PDXK: variants seen among roughly 807,000 people sequenced by gnomAD.
PDXK encodes pyridoxal kinase, also known as epididymis secretory sperm binding protein Li 1a.
Under a neutral mutation model 43.2 loss-of-function variants are expected in PDXK, and 15 were observed. The ratio of observed to expected loss-of-function variants is 0.35; its 90% confidence interval spans 0.23 to 0.53. The LOEUF is 0.53. PDXK is among the 20% of genes least tolerant of loss of function. The pLI is 0.92. For missense variants in PDXK, 343 were observed against 417.0 expected (o/e 0.82, Z 1.54); for synonymous variants, 172 against 165.4 (o/e 1.04, Z -0.31).
intron 1 of PDXK, among the ~76,000 whole-genome samples, chr21:43,733,271 C>T (rs1370877280): frequency 3.7e-5 from 5 of 136,578 alleles, no homozygotes; most frequent in African/African-American, 1.3e-4. Flanking sequence ...CCCCGCCCCC[C>T]CCGCCCTGGA....
rs1395714946 is a variant in PDXK, at chr21:43,754,063, C to T, written c.759+344C>T. ...TGTGGGATGCATGGAGCTGTTGTGT[C>T]CTTGGTGACTTGGGGGCTGCTGCAG... On this transcript the variant is annotated intron_variant, in intron 9 of 10. Coordinates refer to ENST00000291565, the MANE Select transcript of PDXK (RefSeq NM_003681.5). This position sits in a 1 kb window ranked among gnomAD's most constrained non-coding sequence, Gnocchi z 5.5. Among the ~76,000 whole-genome samples, 2 of 152,204 alleles carry T rather than the reference C, an allele frequency of 1.3e-5. No individual in the cohort carries two copies. The highest frequency in any genetic ancestry group is 4.8e-5 in the African/African-American group (2 of 41,440).
Position 43,761,981 on chromosome 21 carries a change from A to G in PDXK, c.*5918A>G, listed in dbSNP as rs2083939247. The G allele has an allele frequency of 6.5e-6, 1 of 153,866 alleles. No homozygotes were observed. Among genetic ancestry groups the G allele is most frequent in the Non-Finnish European group, 1.5e-5 (1 of 68,130 alleles). 9.5% of individuals were successfully genotyped at this position (153,866 alleles called of 1,614,324 possible). A position where few individuals can be genotyped will look rare whatever the true frequency, so the allele number is the denominator to read the frequency against. On this transcript the variant is annotated 3_prime_UTR_variant, in exon 11 of 11. Transcript: ENST00000291565. ...TTCATGGCTGCGTCATTCCTGATTTAGAACTTTAACCGGAGCTTCATCTAG... is the reference window on the plus strand; with the variant it reads ...TTCATGGCTGCGTCATTCCTGATTTGGAACTTTAACCGGAGCTTCATCTAG...
chr21:43,721,050 C>T (rs1233470952), intron 1 of PDXK, among the ~76,000 whole-genome samples: 1 of 152,230 alleles, frequency 6.6e-6, no homozygotes, highest in Non-Finnish European at 1.5e-5. Context: ...CCCCAGTGCA[C>T]GGCATCCTTA....
chr21:43,736,287 G>C (rs1299525753), intron 2 of PDXK, among the ~76,000 whole-genome samples: 1 of 152,106 alleles, frequency 6.6e-6, no homozygotes, highest in African/African-American at 2.4e-5. Flanking sequence ...GTTCTGCTCC[G>C]GGCACCCTTG....
intron 1 of PDXK, among the ~76,000 whole-genome samples, chr21:43,720,574 C>A (rs2147197818): frequency 6.6e-6 from 1 of 152,306 alleles, no homozygotes; most frequent in East Asian, 1.9e-4. Flanking sequence ...ACTTGAGACC[C>A]TGTTCCATCC....
At chr21:43,726,206 T>C (rs1373095007) in intron 1 of PDXK, among the ~76,000 whole-genome samples, 1 of 152,134 alleles carries the variant, frequency 6.6e-6, no homozygotes, top group Non-Finnish European at 1.5e-5. Context: ...TTTCTGTTAT[T>C]CTTGTTTGGC....
In PDXK at chr21:43,760,997, A is replaced by G. The variant is rs1425803235; in HGVS notation, c.*4934A>G. 1 of 152,236 alleles carries G rather than the reference A, an allele frequency of 6.6e-6. No homozygotes were observed. Among genetic ancestry groups the G allele is most frequent in the Non-Finnish European group, 1.5e-5 (1 of 68,046 alleles). The allele number at this position is 152,236 out of a possible 1,614,324, so 9.4% of individuals were successfully genotyped here. A position where few individuals can be genotyped will look rare whatever the true frequency, so the allele number is the denominator to read the frequency against. The stretch of plus-strand genomic sequence containing the variant: ...GCAACACGGTGTGTTCATTTGTTTA[A>G]AACAGTTTAATGAGTAAGTTTAGAT... On this transcript the variant is annotated 3_prime_UTR_variant, in exon 11 of 11. Coordinates refer to ENST00000291565, the MANE Select transcript of PDXK (RefSeq NM_003681.5).
In PDXK at chr21:43,737,522, G is replaced by T. The variant is rs370869755; in HGVS notation, c.142+3399G>T. ...GGAGCCTGCGGAGCTGGAGGTCAGC[G>T]GGTGGACGGGTTGCGCTGTCCTGGC... is the stretch of plus-strand genomic sequence containing the variant. On this transcript the variant is annotated intron_variant, in intron 2 of 10. Transcript: ENST00000291565. This position sits in a 1 kb window ranked among gnomAD's most constrained non-coding sequence, Gnocchi z 4.8. The T allele has an allele frequency of 2.9e-6, 3 of 1,028,112 alleles. No individual in the cohort carries two copies. In the African/African-American group the frequency reaches 5.2e-5, roughly 18 times the overall value. The allele number at this position is 1,028,112 out of a possible 1,614,324, so 63.7% of individuals were successfully genotyped here. A position where few individuals can be genotyped will look rare whatever the true frequency, so the allele number is the denominator to read the frequency against.
chr21:43,755,957 C>T lies in PDXK; in HGVS notation c.833C>T (p.Ala278Val). ...CTCTCTGCCTGCCCCGCAGCCCAGG[C>T]CGGGGAAGGAGTGAGGCCCAGCCCC... The part of the protein sequence containing the change: ...QRTIQCAKAQ[A>V]GEGVRPSPMQ... The change falls in exon 11 of 11, where the codon GCC becomes GTC. Residue 278 changes from alanine to valine, a missense_variant. Transcript: ENST00000291565. 1 of 1,607,466 alleles carries T rather than the reference C, an allele frequency of 6.2e-7. No homozygotes were observed. The highest frequency in any genetic ancestry group is 8.5e-7 in the Non-Finnish European group (1 of 1,175,378).
intron 1 of PDXK, among the ~76,000 whole-genome samples, chr21:43,730,286 C>G (rs1211284938): frequency 6.6e-6 from 1 of 152,070 alleles, no homozygotes; most frequent in Admixed American, 6.6e-5. Context: ...CCACTACACC[C>G]GGCCAATTTT....
intron 8 of PDXK, 40 bp from the exon 9 acceptor site, chr21:43,753,543 G>A: frequency 6.3e-7 from 1 of 1,582,438 alleles, no homozygotes; most frequent in Non-Finnish European, 8.6e-7. Context: ...TGGCAGAGGA[G>A]CGGCAGATCT....
chr21:43,741,893 G>A (rs768362124), intron 3 of PDXK, 122 bp downstream of exon 3: 2 of 685,696 alleles, frequency 2.9e-6, no homozygotes, highest in Non-Finnish European at 5.2e-6. Context: ...TTCAAGGAGG[G>A]CCTTGGCGTG....
At chr21:43,731,487 G>C (rs1267859371) in intron 1 of PDXK, among the ~76,000 whole-genome samples, 1 of 152,240 alleles carries the variant, frequency 6.6e-6, no homozygotes, top group East Asian at 1.9e-4. Flanking sequence ...TATAGGGACA[G>C]GGTTTACTGT....
At chr21:43,724,249 G>A (rs2083231749) in intron 1 of PDXK, among the ~76,000 whole-genome samples, 1 of 152,154 alleles carries the variant, frequency 6.6e-6, no homozygotes, top group African/African-American at 2.4e-5. Flanking sequence ...TGGCTCAAGC[G>A]CCCCACAGGA....
At chr21:43,731,856 C>A (rs539506794) in intron 1 of PDXK, among the ~76,000 whole-genome samples, 1 of 152,200 alleles carries the variant, frequency 6.6e-6, no homozygotes, top group Non-Finnish European at 1.5e-5. Flanking sequence ...ACACTGGTGT[C>A]GTGGAGGAGA....
rs1462709332 is a variant in PDXK at position 43,762,220 on chromosome 21, A to G, written c.*6157A>G. 6.6e-6 allele frequency: 1 copy of G among 152,370 alleles called. No individual in the cohort carries two copies. The highest frequency in any genetic ancestry group is 1.5e-5 in the Non-Finnish European group (1 of 68,124). The allele number at this position is 152,370 out of a possible 1,614,324, so 9.4% of individuals were successfully genotyped here. ...GGATGTTTGTGAGCCTCGGTCCTAC[A>G]GCACTGTGTAGGCTGCATCTGTTTC... On this transcript the variant is annotated 3_prime_UTR_variant, in exon 11 of 11. Coordinates refer to ENST00000291565, the MANE Select transcript of PDXK (RefSeq NM_003681.5).
At chr21:43,724,689 A>C (rs1159120109) in intron 1 of PDXK, among the ~76,000 whole-genome samples, 1 of 151,836 alleles carries the variant, frequency 6.6e-6, no homozygotes, top group African/African-American at 2.4e-5. Context: ...AAGAAAAAAA[A>C]AAAAAAGCTG....
chr21:43,749,311 G>GA (rs2083694335), intron 6 of PDXK, among the ~76,000 whole-genome samples: 1 of 152,098 alleles, frequency 6.6e-6, no homozygotes, highest in Non-Finnish European at 1.5e-5. Context: ...CACCATGTTG[G>GA]CCAGGCTGGT....
At chr21:43,745,687 C>T (rs1189175852) in intron 4 of PDXK, 1 of 190,068 alleles carries the variant, frequency 5.3e-6, no homozygotes. Context: ...TTCAACTTGG[C>T]AGCTTAAAAA....
Sources: gnomAD v4.1 joint callset for allele counts (sites outside exome capture counted in the v4.1 genomes callset) on GRCh38, gnomAD v4.1.1 for gene constraint, Gnocchi (gnomAD v3.1) non-coding constraint, MANE v1.5 for transcripts, NCBI Gene and HGNC (gene_info 2026-07-23, HGNC 2026-07-21) for gene names.